FARP2: variants seen among roughly 807,000 people sequenced by gnomAD.
The protein encoded by FARP2 is FERM, ARH/RhoGEF and pleckstrin domain protein 2.
FARP2 carries 111 observed loss-of-function variants against 130.5 expected under a neutral mutation model. That is an observed-to-expected ratio of 0.85 (90% CI 0.73 to 1.00). FARP2 has a LOEUF of 1.00. Ranked by LOEUF, FARP2 falls within the 50% of genes least tolerant of loss-of-function variation. FARP2 has a pLI of 0.00. For synonymous variants in FARP2, 504 were observed against 516.9 expected, an observed-to-expected ratio of 0.98 and a Z score of 0.34; for missense variants, 1,385 against 1,346.3, an observed-to-expected ratio of 1.03 and a Z score of -0.45.
chr2:241,362,559 G>A (rs1445569008), intron 1 of FARP2, among the ~76,000 whole-genome samples: 1 of 152,052 alleles, frequency 6.6e-6, no homozygotes, highest in Non-Finnish European at 1.5e-5. Context: ...GCGAGATTGC[G>A]CCACTGCTCT....
chr2:241,368,756 G>A lies in FARP2; in HGVS notation c.-24-4328G>A, dbSNP rs369445919. On this transcript the variant is annotated intron_variant, in intron 1 of 26. Transcript: ENST00000264042. ...TGAGTAGCTGAGATTATAGGTGTGCGCCACTATTCCTGGCTTTATTAAGGT... is the reference window on the plus strand; with the variant it reads ...TGAGTAGCTGAGATTATAGGTGTGCACCACTATTCCTGGCTTTATTAAGGT... Among the ~76,000 whole-genome samples, 63 of 152,146 alleles carry A rather than the reference G, an allele frequency of 4.1e-4. 1 individual carries two copies. Among genetic ancestry groups the A allele is most frequent in the African/African-American group, 1.4e-3 (58 of 41,420 alleles).
intron 2 of FARP2, among the ~76,000 whole-genome samples, chr2:241,389,112 C>G (rs13025226): frequency 6.6e-6 from 1 of 152,052 alleles, no homozygotes; most frequent in Non-Finnish European, 1.5e-5. Flanking sequence ...AAAGCCTCAT[C>G]TCTACTAAAA....
intron 12 of FARP2, among the ~76,000 whole-genome samples, chr2:241,438,488 TC>T (rs2063299228): frequency 1.3e-5 from 2 of 152,090 alleles, no homozygotes; most frequent in South Asian, 4.2e-4. Flanking sequence ...GCCCAGGAGT[TC>T]AAGACTGCAG....
chr2:241,376,601 T>G (rs2061541692), intron 2 of FARP2, among the ~76,000 whole-genome samples: 1 of 152,258 alleles, frequency 6.6e-6, no homozygotes, highest in African/African-American at 2.4e-5. Flanking sequence ...TTGTTGTCTT[T>G]GGATCAAGGC....
chr2:241,402,880 ATTTTTTTTTTTTTT>A (rs1194888946), intron 2 of FARP2, among the ~76,000 whole-genome samples: 2 of 9,732 alleles, frequency 2.1e-4, no homozygotes, highest in South Asian at 4.7e-3. Context: ...ATATATATAT[ATTTTTTTTTTTTTT>A]TTTTTTTTTT....
Position 241,489,979 on chromosome 2 carries a change from CGAGT to C in FARP2, c.2441_2444del (p.Glu814GlyfsTer33), listed in dbSNP as rs749933630. ...ACCCACAGGTGGAAGAAAGTGATAA[CGAGT>C]GGTCTGTTCCACACTGTTTCACCAT... is the stretch of plus-strand genomic sequence containing the variant. On this transcript the variant is annotated frameshift_variant, in exon 22 of 27. Coordinates refer to ENST00000264042, the MANE Select transcript of FARP2 (RefSeq NM_014808.4). LOFTEE classifies it high-confidence loss of function. The C allele has an allele frequency of 1.8e-5, 29 of 1,613,140 alleles. No individual in the cohort carries two copies. In the South Asian group the frequency reaches 3.1e-4, roughly 17 times the overall value.
At chr2:241,491,206 A>G (rs1053931735) in intron 23 of FARP2, 27 bp downstream of exon 23, 4 of 1,517,360 alleles carry the variant, frequency 2.6e-6, no homozygotes, top group Non-Finnish European at 3.7e-6. Flanking sequence ...ACCCCCCAGG[A>G]GACCTCCACT....
intron 8 of FARP2, among the ~76,000 whole-genome samples, chr2:241,428,799 C>T (rs772786561): frequency 7.2e-5 from 11 of 152,238 alleles, no homozygotes; most frequent in African/African-American, 2.2e-4. Flanking sequence ...GCAGTTACTC[C>T]GCCAGCCCCC....
chr2:241,466,047 A>G lies in FARP2; in HGVS notation c.1893+2067A>G. 4 of 1,239,138 alleles carry G rather than the reference A, an allele frequency of 3.2e-6. No homozygotes were observed. In the South Asian group the frequency reaches 8.5e-5, roughly 26 times the overall value. 76.8% of individuals were successfully genotyped at this position (1,239,138 alleles called of 1,614,324 possible). On this transcript the variant is annotated intron_variant, in intron 17 of 26. Coordinates refer to ENST00000264042, the MANE Select transcript of FARP2 (RefSeq NM_014808.4). Reference sequence around the variant, plus strand: ...TGATCCAGATTATCATACTGTAGTCATCTTTAATGTTCATTAAAACAAAGG... The same window carrying G: ...TGATCCAGATTATCATACTGTAGTCGTCTTTAATGTTCATTAAAACAAAGG...
At position 241,491,621 on chromosome 2, in the gene FARP2, ACGTGTGCTGGTAC is replaced by A; in HGVS notation, c.2732_2744del (p.Val911GlyfsTer23). 6.2e-7 allele frequency: 1 copy of A among 1,613,652 alleles called. No homozygotes were observed. The highest frequency in any genetic ancestry group is 1.7e-4 in the Middle Eastern group (1 of 6,056). The stretch of plus-strand genomic sequence containing the variant: ...CAGCACCGGGCCAACACCACAATGC[ACGTGTGCTGGTAC>A]CGGAACACCAGCGTGTCCAGGGCAG... On this transcript the variant is annotated frameshift_variant, in exon 24 of 27. Transcript: ENST00000264042. LOFTEE classifies it high-confidence loss of function.
At chr2:241,455,887 C>T (rs1460677339) in intron 13 of FARP2, among the ~76,000 whole-genome samples, 3 of 151,720 alleles carry the variant, frequency 2.0e-5, no homozygotes, top group East Asian at 1.9e-4. Context: ...CTACAAGCAC[C>T]TGCCACCATG....
At chr2:241,418,965 G>A (rs2062743963) in intron 8 of FARP2, among the ~76,000 whole-genome samples, 1 of 152,118 alleles carries the variant, frequency 6.6e-6, no homozygotes, top group Non-Finnish European at 1.5e-5. Flanking sequence ...TCCTGAAAAG[G>A]TCTCCTCAAT....
intron 19 of FARP2, among the ~76,000 whole-genome samples, chr2:241,480,543 TA>T (rs1432387757): frequency 1.9e-4 from 27 of 144,992 alleles, no homozygotes; most frequent in South Asian, 1.8e-3. Flanking sequence ...TTTTTTTTTT[TA>T]AATTTAAAGA....
At chr2:241,366,106 T>TATATATATAC (rs2061302303) in intron 1 of FARP2, among the ~76,000 whole-genome samples, 1 of 36,378 alleles carries the variant, frequency 2.7e-5, no homozygotes, top group Non-Finnish European at 5.9e-5. Context: ...AAAAAAAAAA[T>TATATATATAC]ATATATATAT....
chr2:241,452,583 G>A (rs531306782), intron 13 of FARP2, among the ~76,000 whole-genome samples: 2 of 151,970 alleles, frequency 1.3e-5, no homozygotes, highest in African/African-American at 4.8e-5. Context: ...CAAGAGGACT[G>A]TTTGAGGCCA....
chr2:241,384,416 C>A (rs1159232046), intron 2 of FARP2, among the ~76,000 whole-genome samples: 1 of 152,138 alleles, frequency 6.6e-6, no homozygotes, highest in Non-Finnish European at 1.5e-5. Flanking sequence ...GATATTCTTT[C>A]CTCCTTGATC....
chr2:241,490,166 CCT>C (rs1459941629), intron 22 of FARP2, 122 bp downstream of exon 22: 3 of 705,468 alleles, frequency 4.3e-6, no homozygotes, highest in Non-Finnish European at 7.6e-6. Context: ...GGTTGTGCCC[CCT>C]TTGACTCTGA....
chr2:241,398,077 C>G (rs1449114504), intron 2 of FARP2, among the ~76,000 whole-genome samples: 1 of 151,918 alleles, frequency 6.6e-6, no homozygotes, highest in South Asian at 2.1e-4. Context: ...GTGATCCGCC[C>G]GCCTCGGCCT....
chr2:241,356,560 C>T (rs1225406228), intron 1 of FARP2, among the ~76,000 whole-genome samples, 172 bp downstream of exon 1: 1 of 152,146 alleles, frequency 6.6e-6, no homozygotes, highest in Non-Finnish European at 1.5e-5. Flanking sequence ...GCTGGAGCTC[C>T]TAGGCGGGTC....
Sources: gnomAD v4.1 joint callset for allele counts (sites outside exome capture counted in the v4.1 genomes callset) on GRCh38, gnomAD v4.1.1 for gene constraint, MANE v1.5 for transcripts, NCBI Gene and HGNC (gene_info 2026-07-23, HGNC 2026-07-21) for gene names.